The following MACC1 variants were observed in gnomAD, a reference collection of about 807,000 sequenced individuals.
MACC1 encodes metastasis-associated in colon cancer protein 1.
Under a neutral mutation model 70.7 loss-of-function variants are expected in MACC1, and 79 were observed. The observed-to-expected ratio is 1.12, with a 90% CI of 0.93 to 1.35. The LOEUF is 1.35. Ranked by LOEUF, MACC1 falls within the 40% of genes most tolerant of loss-of-function variation. MACC1 has a pLI of 0.00. For missense variants in MACC1, 1,106 were observed against 978.1 expected, an observed-to-expected ratio of 1.13 and a Z score of -1.74; for synonymous variants, 361 against 347.2, an observed-to-expected ratio of 1.04 and a Z score of -0.44.
intron 2 of MACC1, among the ~76,000 whole-genome samples, chr7:20,166,519 T>C (rs1003511560): frequency 6.6e-6 from 1 of 152,184 alleles, no homozygotes; most frequent in South Asian, 2.1e-4. Flanking sequence ...GTATACACCA[T>C]ACACAAGCAT....
chr7:20,214,127 C>T (rs1783036348), intron 1 of MACC1, among the ~76,000 whole-genome samples: 1 of 152,132 alleles, frequency 6.6e-6, no homozygotes, highest in African/African-American at 2.4e-5. Flanking sequence ...CTCCTGCACA[C>T]TATGCCCAGG....
chr7:20,134,876 G>A lies in MACC1; in HGVS notation c.*6070C>T, dbSNP rs1006607935. The A allele has an allele frequency of 1.3e-5, 2 of 152,166 alleles. No individual in the cohort carries two copies. The highest frequency in any genetic ancestry group is 2.4e-5 in the African/African-American group (1 of 41,440). 9.4% of individuals were successfully genotyped at this position (152,166 alleles called of 1,614,324 possible). A position where few individuals can be genotyped will look rare whatever the true frequency, so the allele number is the denominator to read the frequency against. On this transcript the variant is annotated 3_prime_UTR_variant, in exon 7 of 7. Transcript: ENST00000400331. ...CAATTAACAAGGAAATGATGGCAGA[G>A]GATAAAACGTGATACGTCAATCTCA...
At chr7:20,205,898 C>T (rs1476914889) in intron 1 of MACC1, among the ~76,000 whole-genome samples, 1 of 152,114 alleles carries the variant, frequency 6.6e-6, no homozygotes, top group Non-Finnish European at 1.5e-5. Context: ...ACTGACCCTA[C>T]CCTCAGGCAC....
intron 1 of MACC1, among the ~76,000 whole-genome samples, chr7:20,181,212 T>A (rs79220472): frequency 0.023 from 3,498 of 152,184 alleles, 50 homozygotes; most frequent in Non-Finnish European, 0.037. Context: ...CCTGGACAAT[T>A]TGATTCCATA....
At chr7:20,164,217 A>G (rs1583391100) in intron 3 of MACC1, 39 bp downstream of exon 3, 3 of 152,340 alleles carry the variant, frequency 2.0e-5, no homozygotes, top group Admixed American at 6.5e-5. Context: ...GATTACAGGC[A>G]TGAGCCACCA....
rs1286403422 is a variant in MACC1, at chr7:20,136,006, C to T, written c.*4940G>A. The T allele has an allele frequency of 6.6e-6, 1 of 152,154 alleles. No homozygotes were observed. Among genetic ancestry groups the T allele is most frequent in the Non-Finnish European group, 1.5e-5 (1 of 68,026 alleles). The allele number at this position is 152,154 out of a possible 1,614,324, so 9.4% of individuals were successfully genotyped here. A position where few individuals can be genotyped will look rare whatever the true frequency, so the allele number is the denominator to read the frequency against. On this transcript the variant is annotated 3_prime_UTR_variant, in exon 7 of 7. Coordinates refer to ENST00000400331, the MANE Select transcript of MACC1 (RefSeq NM_182762.4). ...TGGATAATTGGTATTCAAATTATTACTCTTAAATCACATTCTCTTTTCTCA... is the reference window on the plus strand; with the variant it reads ...TGGATAATTGGTATTCAAATTATTATTCTTAAATCACATTCTCTTTTCTCA...
chr7:20,208,502 C>A (rs183831054), intron 1 of MACC1, among the ~76,000 whole-genome samples: 170 of 152,234 alleles, frequency 1.1e-3, no homozygotes, highest in African/African-American at 3.9e-3. Flanking sequence ...AAGAGACTGG[C>A]AGCATTTTGC....
At chr7:20,153,997 A>AAGGGC (rs1295636885) in intron 6 of MACC1, among the ~76,000 whole-genome samples, 196 bp downstream of exon 6, 1 of 152,182 alleles carries the variant, frequency 6.6e-6, no homozygotes, top group Non-Finnish European at 1.5e-5. Flanking sequence ...TCAATATTTT[A>AAGGGC]AGGGCTCTCA....
chr7:20,173,461 G>A (rs1451776145), intron 1 of MACC1, among the ~76,000 whole-genome samples: 2 of 152,158 alleles, frequency 1.3e-5, no homozygotes, highest in East Asian at 3.9e-4. Flanking sequence ...TCCTCCCTTA[G>A]TGTGATTGTC....
chr7:20,179,719 A>T (rs3114458), intron 1 of MACC1, among the ~76,000 whole-genome samples: 78,859 of 151,950 alleles, frequency 0.52, 23,101 homozygotes, highest in East Asian at 0.9. Context: ...AAGGCTTCCA[A>T]GATTTGGGGG....
Position 20,137,633 on chromosome 7 carries a change from TG to T in MACC1, c.*3312del, listed in dbSNP as rs1781735644. On this transcript the variant is annotated 3_prime_UTR_variant, in exon 7 of 7. Transcript: ENST00000400331. ...AATGCTTAAAGAAGTTTTAGATTAA[TG>T]GGATTTGATACTTTTAATGATGTCA... 6.6e-6 allele frequency: 1 copy of T among 152,202 alleles called. No individual in the cohort carries two copies. The allele number at this position is 152,202 out of a possible 1,614,324, so 9.4% of individuals were successfully genotyped here.
intron 1 of MACC1, among the ~76,000 whole-genome samples, chr7:20,189,572 T>C (rs1278788400): frequency 3.9e-5 from 6 of 152,206 alleles, no homozygotes. Flanking sequence ...ATATACATAG[T>C]TTGCCTGAAT....
chr7:20,163,642 T>C (rs76890123), intron 3 of MACC1, among the ~76,000 whole-genome samples: 1 of 152,250 alleles, frequency 6.6e-6, no homozygotes, highest in Non-Finnish European at 1.5e-5. Context: ...CAGTATCTCA[T>C]GTCTGGGACT....
chr7:20,194,748 G>C (rs1257162750), intron 1 of MACC1, among the ~76,000 whole-genome samples: 1 of 152,176 alleles, frequency 6.6e-6, no homozygotes, highest in African/African-American at 2.4e-5. Flanking sequence ...TCCATTAAAA[G>C]CCATCTCAAT....
chr7:20,164,995 T>C (rs932759720), intron 2 of MACC1, among the ~76,000 whole-genome samples: 1 of 152,010 alleles, frequency 6.6e-6, no homozygotes, highest in African/African-American at 2.4e-5. Context: ...CCAAATGGAA[T>C]GTAGGTAGAA....
intron 1 of MACC1, among the ~76,000 whole-genome samples, chr7:20,188,152 A>G (rs909710279): frequency 2.6e-5 from 4 of 152,294 alleles, no homozygotes; most frequent in East Asian, 1.9e-4. Flanking sequence ...AACCATCCCC[A>G]TGATTCAATT....
rs1392580680 is a variant in MACC1 at position 20,154,377 on chromosome 7, AG to A, written c.2161del (p.Leu721PhefsTer2). The A allele has an allele frequency of 2.5e-6, 4 of 1,612,308 alleles. No individual in the cohort carries two copies. The highest frequency in any genetic ancestry group is 3.4e-6 in the Non-Finnish European group (4 of 1,178,924). ...RKFLYELIVA[L>X]LKMDCQELVA... ...TAACTCTTGGCAATCCATTTTCAGA[AG>A]AGCCTGCAGCAACAATTACATGTCA... On this transcript the variant is annotated frameshift_variant, in exon 6 of 7. Transcript: ENST00000400331. LOFTEE classifies it high-confidence loss of function.
At chr7:20,197,587 C>A (rs769982882) in intron 1 of MACC1, among the ~76,000 whole-genome samples, 1 of 152,154 alleles carries the variant, frequency 6.6e-6, no homozygotes, top group Non-Finnish European at 1.5e-5. Context: ...TTCTCGTACG[C>A]CTACTCACAA....
chr7:20,192,501 C>T (rs1782688228), intron 1 of MACC1, among the ~76,000 whole-genome samples: 1 of 152,180 alleles, frequency 6.6e-6, no homozygotes, highest in African/African-American at 2.4e-5. Context: ...TTCTAGTCAT[C>T]CCCTCCCAAG....
Sources: allele counts gnomAD v4.1 joint callset (sites outside exome capture counted in the v4.1 genomes callset), GRCh38; gene constraint gnomAD v4.1.1; transcripts MANE v1.5; gene names NCBI Gene and HGNC (gene_info 2026-07-23, HGNC 2026-07-21).